The following NUP42 variants were observed in gnomAD, a reference collection of about 807,000 sequenced individuals.
NUP42 encodes nucleoporin 42.
NUP42 carries 47 observed loss-of-function variants against 35.9 expected under a neutral mutation model. The observed-to-expected ratio is 1.31, with a 90% confidence interval of 1.04 to 1.67. The LOEUF (loss-of-function observed/expected upper bound fraction) is 1.67. Among genes scored for constraint, NUP42 ranks in the 40% most tolerant of loss-of-function variants. The pLI is 0.00. For missense variants in NUP42, 514 were observed against 492.2 expected (o/e 1.04, Z -0.42); for synonymous variants, 173 against 173.3 (o/e 1.00, Z 0.01).
chr7:23,183,889 T>TG (rs1212096232), intron 1 of NUP42, among the ~76,000 whole-genome samples: 1 of 148,678 alleles, frequency 6.7e-6, no homozygotes, highest in African/African-American at 2.5e-5. Context: ...ATCTCCACTT[T>TG]TTTTTTTTTT....
intron 3 of NUP42, chr7:23,188,316 A>G (rs977828184): frequency 3.4e-6 from 4 of 1,165,344 alleles, no homozygotes; most frequent in African/African-American, 1.6e-5. Flanking sequence ...AGTGATGAGC[A>G]AGACAGACAA....
In NUP42 at chr7:23,200,166, A is replaced by T. The variant is rs1554297099; in HGVS notation, c.695-2A>T. On this transcript the variant is annotated splice_acceptor_variant, in intron 6 of 6. Transcript: ENST00000258742. LOFTEE classifies it high-confidence loss of function. ...TTTTTTTGTTGTTGTTGTTGTTTGT[A>T]GGCTTTCCAGTCAATAACAGCAGCA... The T allele has an allele frequency of 1.9e-6, 3 of 1,539,036 alleles. No homozygotes were observed. The highest frequency in any genetic ancestry group is 2.6e-6 in the Non-Finnish European group (3 of 1,140,902).
intron 1 of NUP42, chr7:23,182,572 C>T (rs1443730896): frequency 1.7e-5 from 16 of 915,038 alleles, no homozygotes; most frequent in Non-Finnish European, 2.1e-5. Flanking sequence ...ATCAGGACTT[C>T]ATTTTGGAGA....
intron 2 of NUP42, among the ~76,000 whole-genome samples, chr7:23,186,191 C>T (rs1158824688): frequency 6.6e-6 from 1 of 152,164 alleles, no homozygotes; most frequent in Non-Finnish European, 1.5e-5. Flanking sequence ...CAATGCTTGG[C>T]TATCTGTAAT....
rs1331551680 is a variant in NUP42, at chr7:23,182,158, G to A, written c.73G>A (p.Ala25Thr). 1 of 1,614,142 alleles carries A rather than the reference G, an allele frequency of 6.2e-7. No homozygotes were observed. The highest frequency in any genetic ancestry group is 1.7e-5 in the Admixed American group (1 of 60,014). Residue 25 changes from alanine to threonine, a missense_variant, in exon 1 of 7, where the codon GCT (alanine) becomes ACT (threonine). Ala to Thr is a moderately conservative substitution (Grantham distance 58, BLOSUM62 0). Coordinates refer to ENST00000258742, the MANE Select transcript of NUP42 (RefSeq NM_007342.3). ...TCGGTGCTGGAACGAACATCCCGGT[G>A]CTAGGGGTGCAGGAGGAGGACGGCA... Reference protein sequence around the residue: ...GDRCWNEHPGARGAGGGRQQP... With the variant: ...GDRCWNEHPGTRGAGGGRQQP...
chr7:23,183,515 C>T (rs1453918859), intron 1 of NUP42, among the ~76,000 whole-genome samples: 5 of 152,106 alleles, frequency 3.3e-5, no homozygotes, highest in African/African-American at 4.8e-5. Flanking sequence ...GCGACCGCGG[C>T]GGGCCTCATC....
intron 5 of NUP42, among the ~76,000 whole-genome samples, chr7:23,198,589 G>A (rs2128475077): frequency 6.6e-6 from 1 of 152,290 alleles, no homozygotes; most frequent in Non-Finnish European, 1.5e-5. Context: ...TTGAAAGGAA[G>A]GAGCAAATAC....
intron 3 of NUP42, 41 bp downstream of exon 3, chr7:23,187,187 C>T (rs763149597): frequency 9.7e-6 from 13 of 1,336,246 alleles, no homozygotes; most frequent in Non-Finnish European, 1.4e-5. Flanking sequence ...TGTTCTAAAA[C>T]TATTATTTTC....
At chr7:23,194,900 G>A (rs745496136) in intron 3 of NUP42, 1 of 150,312 alleles carries the variant, frequency 6.7e-6, no homozygotes. Context: ...ATGTTAGCCA[G>A]GATGGTCTCA....
At chr7:23,189,100 G>T (rs1389523968) in intron 3 of NUP42, among the ~76,000 whole-genome samples, 1 of 152,142 alleles carries the variant, frequency 6.6e-6, no homozygotes, top group African/African-American at 2.4e-5. Context: ...TTGTGTAATT[G>T]TTCAAGTTGG....
chr7:23,184,588 C>T (rs1479768362), intron 1 of NUP42, among the ~76,000 whole-genome samples: 1 of 152,132 alleles, frequency 6.6e-6, no homozygotes, highest in Non-Finnish European at 1.5e-5. Flanking sequence ...ATATTACAAC[C>T]TAACTACTGT....
intron 3 of NUP42, among the ~76,000 whole-genome samples, chr7:23,191,900 C>T (rs1785805346): frequency 6.6e-6 from 1 of 152,052 alleles, no homozygotes; most frequent in Non-Finnish European, 1.5e-5. Context: ...CCTAGGAAGT[C>T]AAGGCGGCAG....
Position 23,182,334 on chromosome 7 carries a change from C to G in NUP42, c.121+128C>G, listed in dbSNP as rs1785436637. On this transcript the variant is annotated intron_variant, in intron 1 of 6. Coordinates refer to ENST00000258742, the MANE Select transcript of NUP42 (RefSeq NM_007342.3). ...CCGCGTCGCGGCCTTGCCGGCCCTA[C>G]TGGGCCCTGCACAACGTTTTTAAAC... 15 of 1,471,868 alleles carry G rather than the reference C, an allele frequency of 1.0e-5. No individual in the cohort carries two copies. In the South Asian group the frequency reaches 2.0e-4, roughly 20 times the overall value. 91.2% of individuals were successfully genotyped at this position (1,471,868 alleles called of 1,614,324 possible).
At chr7:23,187,223 G>T (rs1266030391) in intron 3 of NUP42, 77 bp downstream of exon 3, 2 of 968,876 alleles carry the variant, frequency 2.1e-6, no homozygotes, top group East Asian at 4.9e-5. Context: ...GCCAAATAAA[G>T]AAATCAACTA....
rs75570742 is a variant in NUP42 at position 23,191,247 on chromosome 7, A to C, written c.445+4101A>C. Reference sequence around the variant, plus strand: ...TGGGCAGGCAGCCATGAAGAACTTTAAGCAAAAGAGGGACGTGATCTGATT... The same window carrying C: ...TGGGCAGGCAGCCATGAAGAACTTTCAGCAAAAGAGGGACGTGATCTGATT... On this transcript the variant is annotated intron_variant, in intron 3 of 6. Coordinates refer to ENST00000258742, the MANE Select transcript of NUP42 (RefSeq NM_007342.3). 7.5e-3 allele frequency among the ~76,000 whole-genome samples: 1,141 copies of C among 152,288 alleles called. 15 individuals carry two copies. Among genetic ancestry groups the C allele is most frequent in the African/African-American group, 0.026 (1,072 of 41,554 alleles).
At chr7:23,193,866 G>A (rs371911681) in intron 3 of NUP42, among the ~76,000 whole-genome samples, 2 of 152,232 alleles carry the variant, frequency 1.3e-5, no homozygotes, top group African/African-American at 2.4e-5. Context: ...TGCAGGTCCC[G>A]AGCCCTGCCC....
chr7:23,194,686 T>C (rs62468182), intron 3 of NUP42: 1 of 159,252 alleles, frequency 6.3e-6, no homozygotes, highest in Admixed American at 6.9e-5. Context: ...TTGTTTTTGC[T>C]TTTGTTTTTG....
intron 4 of NUP42, 110 bp downstream of exon 4, chr7:23,196,025 T>C (rs1198016861): frequency 2.0e-6 from 1 of 489,296 alleles, no homozygotes; most frequent in Non-Finnish European, 3.6e-6. Context: ...TGATCTTTTT[T>C]CAGGAGTAGG....
chr7:23,192,943 A>G (rs529404513), intron 3 of NUP42, among the ~76,000 whole-genome samples: 21 of 152,292 alleles, frequency 1.4e-4, no homozygotes, highest in African/African-American at 4.8e-4. Context: ...TCTTAAAGAC[A>G]TCGTGTCCGG....
Sources: allele counts gnomAD v4.1 joint callset (sites outside exome capture counted in the v4.1 genomes callset), GRCh38; gene constraint gnomAD v4.1.1; transcripts MANE v1.5; gene names NCBI Gene and HGNC (gene_info 2026-07-23, HGNC 2026-07-21).